ARHGAP29: variants seen among roughly 807,000 people sequenced by gnomAD.
ARHGAP29 encodes the protein Rho GTPase activating protein 29, also known as rho GTPase-activating protein 29.
Under a neutral mutation model 122.6 loss-of-function variants are expected in ARHGAP29, and 43 were observed. The observed-to-expected ratio is 0.35, with a 90% CI of 0.27 to 0.45. The LOEUF (loss-of-function observed/expected upper bound fraction) is 0.45. Among genes scored for constraint, ARHGAP29 ranks in the 20% least tolerant of loss-of-function variants. The pLI is 1.00. For synonymous variants in ARHGAP29, 506 were observed against 497.1 expected (o/e 1.02, Z -0.24); for missense variants, 1,303 against 1,477.2 (o/e 0.88, Z 1.93).
rs190280607 is a variant in ARHGAP29 at position 94,222,391 on chromosome 1, G to C, written c.206-1999C>G. On this transcript the variant is annotated intron_variant, in intron 2 of 22. Transcript: ENST00000260526. ...ACACTACTGAAGACAGGTGACCAAG[G>C]TCAACATCAACATTGACAAATCACA... is the stretch of plus-strand genomic sequence containing the variant. Among the ~76,000 whole-genome samples, 94 of 152,240 alleles carry C rather than the reference G, an allele frequency of 6.2e-4. 2 individuals carry two copies. The highest frequency in any genetic ancestry group is 5.8e-3 in the Admixed American group (88 of 15,296).
chr1:94,230,830 C>T (rs774868427), intron 2 of ARHGAP29, among the ~76,000 whole-genome samples: 4 of 151,760 alleles, frequency 2.6e-5, no homozygotes, highest in Non-Finnish European at 5.9e-5. Flanking sequence ...CAGAGATATA[C>T]AATCTTTTAC....
At chr1:94,258,589 T>C (rs1654449432) in intron 1 of ARHGAP29, among the ~76,000 whole-genome samples, 2 of 152,184 alleles carry the variant, frequency 1.3e-5, no homozygotes, top group Admixed American at 6.5e-5. Context: ...AGCCTTCTGC[T>C]TTAGGCAGTT....
chr1:94,245,384 T>C (rs1311157976), intron 1 of ARHGAP29, among the ~76,000 whole-genome samples: 5 of 152,206 alleles, frequency 3.3e-5, no homozygotes, highest in Admixed American at 3.3e-4. Flanking sequence ...GATGGAATAC[T>C]ATTTAACATT....
chr1:94,239,532 C>T (rs1035987414), upstream of ARHGAP29, among the ~76,000 whole-genome samples: 5 of 149,214 alleles, frequency 3.4e-5, no homozygotes, highest in African/African-American at 1.2e-4. Flanking sequence ...AAGGGAGAGA[C>T]AAATATGTGA....
At chr1:94,188,157 G>A (rs773522452) in intron 15 of ARHGAP29, among the ~76,000 whole-genome samples, 21 of 152,110 alleles carry the variant, frequency 1.4e-4, no homozygotes, top group Admixed American at 5.9e-4. Flanking sequence ...TTCTTCTCCC[G>A]CTAGCTGTAT....
At chr1:94,306,751 A>C in the ARHGAP29 span, among the ~76,000 whole-genome samples, 3 of 152,360 alleles carry the variant, frequency 2.0e-5, no homozygotes, top group South Asian at 4.1e-4. Flanking sequence ...ACATTTGAGA[A>C]TGCTTAGTTC....
chr1:94,179,068 T>C (rs1649286005), intron 20 of ARHGAP29, among the ~76,000 whole-genome samples: 1 of 152,194 alleles, frequency 6.6e-6, no homozygotes, highest in Non-Finnish European at 1.5e-5. Flanking sequence ...TGCTGTACTC[T>C]ATTTGTCTGC....
intron 2 of ARHGAP29, among the ~76,000 whole-genome samples, chr1:94,224,362 T>C: frequency 6.6e-6 from 1 of 152,202 alleles, no homozygotes; most frequent in East Asian, 1.9e-4. Flanking sequence ...CAGGTATTAA[T>C]ATACTTAGGA....
Position 94,231,516 on chromosome 1 carries a change from C to T in ARHGAP29, c.96G>A (p.Lys32=), listed in dbSNP as rs1385148097. 4 of 1,613,728 alleles carry T rather than the reference C, an allele frequency of 2.5e-6. No individual in the cohort carries two copies. The highest frequency in any genetic ancestry group is 3.4e-6 in the Non-Finnish European group (4 of 1,179,788). ...CAAAAATAGAGTTGGAACTTAAGGA[C>T]TTGAGCCCCATTTCAGAAGTTGTAA... is the stretch of plus-strand genomic sequence containing the variant. ...TDITTSEMGL[K]SLSSNSIFDP... Residue 32 remains lysine, a synonymous_variant, in exon 2 of 23, where the codon AAG becomes AAA. Transcript: ENST00000260526.
intron 2 of ARHGAP29, among the ~76,000 whole-genome samples, chr1:94,230,480 G>C (rs958774809): frequency 1.3e-5 from 2 of 151,534 alleles, no homozygotes; most frequent in Admixed American, 6.6e-5. Flanking sequence ...ATTTCAACCT[G>C]AAAATAACAG....
chr1:94,220,570 A>G lies in ARHGAP29; in HGVS notation c.206-178T>C, dbSNP rs115729405. On this transcript the variant is annotated intron_variant, in intron 2 of 22. Transcript: ENST00000260526. ...ATACAATTTAAAAAGCCTTCAGAAA[A>G]TCCTTAGTCATTTTAATTCATTAAG... 9.8e-3 allele frequency among the ~76,000 whole-genome samples: 1,493 copies of G among 152,262 alleles called. 20 individuals carry two copies. Among genetic ancestry groups the G allele is most frequent in the African/African-American group, 0.034 (1,421 of 41,554 alleles).
intron 1 of ARHGAP29, among the ~76,000 whole-genome samples, chr1:94,262,151 T>C (rs975850940): frequency 3.9e-5 from 6 of 152,058 alleles, no homozygotes; most frequent in Admixed American, 2.6e-4. Flanking sequence ...AAACAAGCAA[T>C]GAGGAAAGGA....
At chr1:94,224,996 T>C (rs1652531973) in intron 2 of ARHGAP29, among the ~76,000 whole-genome samples, 1 of 152,116 alleles carries the variant, frequency 6.6e-6, no homozygotes, top group South Asian at 2.1e-4. Context: ...TCAACAGAAA[T>C]GAACATGATG....
At chr1:94,214,868 C>T (rs1651858943) in intron 3 of ARHGAP29, among the ~76,000 whole-genome samples, 1 of 152,122 alleles carries the variant, frequency 6.6e-6, no homozygotes, top group African/African-American at 2.4e-5. Flanking sequence ...GGAAAAAATA[C>T]ATATTGCATC....
chr1:94,282,255 C>CTTTATTTATTTA, the ARHGAP29 span, among the ~76,000 whole-genome samples: 6 of 141,486 alleles, frequency 4.2e-5, no homozygotes, highest in South Asian at 2.3e-4. Context: ...AGTGATAGTG[C>CTTTATTTATTTA]TTTATTTATT....
intron 1 of ARHGAP29, among the ~76,000 whole-genome samples, 151 bp from the exon 2 acceptor site, chr1:94,231,794 T>A (rs1324183018): frequency 6.6e-6 from 1 of 152,126 alleles, no homozygotes; most frequent in Admixed American, 6.5e-5. Flanking sequence ...AAATCAAAAA[T>A]CAATAATCAA....
chr1:94,231,320 T>C (rs1446669870), intron 2 of ARHGAP29, 87 bp downstream of exon 2: 4 of 1,091,726 alleles, frequency 3.7e-6, no homozygotes, highest in African/African-American at 1.6e-5. Context: ...ACCCTGTTCC[T>C]ACCACTGTGT....
At chr1:94,245,446 C>T (rs1243962538) in intron 1 of ARHGAP29, among the ~76,000 whole-genome samples, 4 of 152,066 alleles carry the variant, frequency 2.6e-5, no homozygotes, top group Non-Finnish European at 5.9e-5. Flanking sequence ...AAGCATTAAG[C>T]TAAATGAAAG....
At chr1:94,243,263 G>A (rs1182756228) in intron 1 of ARHGAP29, among the ~76,000 whole-genome samples, 1 of 151,892 alleles carries the variant, frequency 6.6e-6, no homozygotes, top group African/African-American at 2.4e-5. Flanking sequence ...CATTTCAAAT[G>A]TATATGGAAT....
Sources: allele counts gnomAD v4.1 joint callset (sites outside exome capture counted in the v4.1 genomes callset), GRCh38; gene constraint gnomAD v4.1.1; transcripts MANE v1.5; gene names NCBI Gene and HGNC (gene_info 2026-07-23, HGNC 2026-07-21).